Variants in MAP9 observed in about 807,000 individuals in gnomAD.
MAP9 encodes microtubule associated protein 9, also known as microtubule-associated protein 9.
In MAP9, 80 loss-of-function variants were observed where a neutral mutation model predicts 75.2. The ratio of observed to expected loss-of-function variants is 1.06; its 90% CI spans 0.89 to 1.28. The LOEUF (loss-of-function observed/expected upper bound fraction) is 1.28, where lower values mean the gene tolerates loss of function less well. MAP9 is among the 50% of genes most tolerant of loss of function. MAP9 has a pLI of 0.00. For synonymous variants in MAP9, 235 were observed against 237.3 expected, an observed-to-expected ratio of 0.99 and a Z score of 0.09; for missense variants, 753 against 719.9, an observed-to-expected ratio of 1.05 and a Z score of -0.53.
chr4:155,356,481 A>G (rs971995959), intron 8 of MAP9, among the ~76,000 whole-genome samples: 2 of 152,180 alleles, frequency 1.3e-5, no homozygotes, highest in African/African-American at 2.4e-5. Flanking sequence ...GTAATTAGAA[A>G]CTTAAGAAAT....
chr4:155,373,371 T>C lies in MAP9; in HGVS notation c.246A>G (p.Glu82=). The change falls in exon 4 of 14, where the codon GAA becomes GAG. Residue 82 remains glutamate (E), a synonymous_variant. Transcript: ENST00000311277. The stretch of plus-strand genomic sequence containing the variant: ...ACAATAGTTTTGAAGGATTCTTTTC[T>C]TCATCATCTGATATATGAAAGTCAT... The part of the protein sequence containing the change: ...KMNDFHISDD[E]EKNPSKLLFL... 6.2e-7 allele frequency: 1 copy of C among 1,611,746 alleles called. No homozygotes were observed. Among genetic ancestry groups the C allele is most frequent in the Admixed American group, 1.7e-5 (1 of 59,898 alleles).
intron 8 of MAP9, among the ~76,000 whole-genome samples, chr4:155,356,609 T>G (rs781093131): frequency 6.6e-6 from 1 of 152,154 alleles, no homozygotes. Context: ...TTAGAAAGAA[T>G]AGTACTATCT....
At chr4:155,351,258 C>T (rs571882670) in intron 13 of MAP9, 1 of 151,720 alleles carries the variant, frequency 6.6e-6, no homozygotes, top group East Asian at 1.9e-4. Flanking sequence ...AAATGGGCTA[C>T]TTTATAAAGG....
intron 13 of MAP9, among the ~76,000 whole-genome samples, chr4:155,351,596 CA>C (rs1731514779): frequency 6.6e-6 from 1 of 151,054 alleles, no homozygotes; most frequent in East Asian, 1.9e-4. Flanking sequence ...TTCCCCAGTA[CA>C]AAACAAAAGA....
In MAP9 at chr4:155,368,579, T is replaced by G. The variant is rs1356685131; in HGVS notation, c.708+7A>C. 1 of 1,603,326 alleles carries G rather than the reference T, an allele frequency of 6.2e-7. No homozygotes were observed. Among genetic ancestry groups the G allele is most frequent in the Middle Eastern group, 1.7e-4 (1 of 6,042 alleles). On this transcript the variant is annotated splice_region_variant and intron_variant, in intron 5 of 13. Coordinates refer to ENST00000311277, the MANE Select transcript of MAP9 (RefSeq NM_001039580.2). ...ACACAATTCAACAGTTTAGTGGTAGTGCTAACCTCAGGATCAAGGTTTTCA... is the reference window on the plus strand; with the variant it reads ...ACACAATTCAACAGTTTAGTGGTAGGGCTAACCTCAGGATCAAGGTTTTCA...
In MAP9 at chr4:155,344,711, C is replaced by T. The variant is rs1731223156; in HGVS notation, c.*3072G>A. ...TTTCTTTCATTAAGAAAACTTTAAC[C>T]TCTTGATCTAAAATGCCATATTGCA... On this transcript the variant is annotated 3_prime_UTR_variant, in exon 14 of 14. Coordinates refer to ENST00000311277, the MANE Select transcript of MAP9 (RefSeq NM_001039580.2). The T allele has an allele frequency of 6.6e-6, 1 of 151,862 alleles. No individual in the cohort carries two copies. Among genetic ancestry groups the T allele is most frequent in the Admixed American group, 6.6e-5 (1 of 15,210 alleles). The allele number at this position is 151,862 out of a possible 1,614,324, so 9.4% of individuals were successfully genotyped here.
intron 8 of MAP9, 173 bp downstream of exon 8, chr4:155,357,276 T>A: frequency 1.7e-6 from 1 of 587,988 alleles, no homozygotes; most frequent in East Asian, 2.9e-5. Context: ...TTATTTCAAA[T>A]AATATCATCA....
chr4:155,350,344 T>C, intron 13 of MAP9: 1 of 375,640 alleles, frequency 2.7e-6, no homozygotes, highest in Non-Finnish European at 5.1e-6. Context: ...TTTTACTAGA[T>C]ATCAAACATG....
At position 155,352,964 on chromosome 4, in the gene MAP9, C is replaced by T. The variant is rs2111198123; in HGVS notation, c.1636G>A (p.Glu546Lys). 6.5e-7 allele frequency: 1 copy of T among 1,543,152 alleles called. No homozygotes were observed. Among genetic ancestry groups the T allele is most frequent in the Non-Finnish European group, 8.8e-7 (1 of 1,140,544 alleles). ...EYERAKKQKEEETVAEKKKDN... is the reference protein window; with the variant it reads ...EYERAKKQKEKETVAEKKKDN... ...TTCTTTTTCTCGGCAACAGTTTCCTCCTCTTTCTGTTTCTTTGCTCTTTCA... is the reference window on the plus strand; with the variant it reads ...TTCTTTTTCTCGGCAACAGTTTCCTTCTCTTTCTGTTTCTTTGCTCTTTCA... Residue 546 changes from glutamate (E) to lysine (K), a missense_variant, in exon 12 of 14, where the codon GAG becomes AAG. By Grantham distance (56) the Glu-to-Lys change is moderately conservative. Transcript: ENST00000311277.
chr4:155,352,285 A>C (rs1001244486), intron 13 of MAP9: 10 of 258,008 alleles, frequency 3.9e-5, no homozygotes, highest in African/African-American at 2.3e-4. Context: ...TCTTCTTTCT[A>C]TGTTAGATGT....
chr4:155,346,187 A>C lies in MAP9; in HGVS notation c.*1596T>G, dbSNP rs993115100. The C allele has an allele frequency of 6.6e-6, 1 of 152,174 alleles. No individual in the cohort carries two copies. Among genetic ancestry groups the C allele is most frequent in the African/African-American group, 2.4e-5 (1 of 41,460 alleles). 9.4% of individuals were successfully genotyped at this position (152,174 alleles called of 1,614,324 possible). On this transcript the variant is annotated 3_prime_UTR_variant, in exon 14 of 14. Coordinates refer to ENST00000311277, the MANE Select transcript of MAP9 (RefSeq NM_001039580.2). ...AGTATGTGGAACGTCTGGAGTGATC[A>C]TCTCAAAGCCTTTGTCACATAACTT...
At chr4:155,372,468 C>T (rs534922030) in intron 4 of MAP9, among the ~76,000 whole-genome samples, 1 of 152,228 alleles carries the variant, frequency 6.6e-6, no homozygotes, top group South Asian at 2.1e-4. Flanking sequence ...ATCTTTGTTC[C>T]TTTATGCTTA....
intron 6 of MAP9, among the ~76,000 whole-genome samples, chr4:155,360,681 C>A (rs756322981): frequency 1.4e-4 from 21 of 151,914 alleles, no homozygotes; most frequent in South Asian, 2.1e-4. Context: ...GAATAACTAC[C>A]CTAAAACAAC....
chr4:155,353,196 T>G lies in MAP9; in HGVS notation c.1525A>C (p.Lys509Gln). Residue 509 changes from lysine to glutamine, a missense_variant, in exon 11 of 14, where the codon AAA (lysine) becomes CAA (glutamine). Coordinates refer to ENST00000311277, the MANE Select transcript of MAP9 (RefSeq NM_001039580.2). The part of the protein sequence containing the change: ...KKTEEENAAR[K>Q]GEALQAFEKW... ...CTGAATACTTGTAGTGCTTCTCCTT[T>G]TCTTGCAGCATTTTCTTCTTCAGTT... 2 of 1,595,998 alleles carry G rather than the reference T, an allele frequency of 1.3e-6. No homozygotes were observed. The highest frequency in any genetic ancestry group is 8.5e-7 in the Non-Finnish European group (1 of 1,173,706).
At chr4:155,349,344 G>C (rs1317161205) in intron 13 of MAP9, 1 of 434 alleles carries the variant, frequency 2.3e-3, no homozygotes, top group Admixed American at 0.018. Context: ...AGGTTTGGTG[G>C]TTTCTTCATC....
intron 9 of MAP9, 39 bp from the exon 10 acceptor site, chr4:155,355,199 T>C: frequency 1.5e-6 from 1 of 686,916 alleles, no homozygotes; most frequent in Non-Finnish European, 2.3e-6. Context: ...TATTTAAAAT[T>C]TCTTAAGTGA....
At chr4:155,351,452 C>CA (rs200289572) in intron 13 of MAP9, among the ~76,000 whole-genome samples, 19,558 of 133,550 alleles carry the variant, frequency 0.15, 1,445 homozygotes, top group African/African-American at 0.21. Flanking sequence ...AATCAAAAGC[C>CA]AAAAAAAAAA....
chr4:155,372,157 T>G (rs762536501), intron 4 of MAP9, among the ~76,000 whole-genome samples: 5 of 152,168 alleles, frequency 3.3e-5, no homozygotes, highest in Admixed American at 6.5e-5. Flanking sequence ...CTTACATCCT[T>G]TGCTCATTTC....
At chr4:155,351,813 T>C (rs903195272) in intron 13 of MAP9, among the ~76,000 whole-genome samples, 1 of 151,956 alleles carries the variant, frequency 6.6e-6, no homozygotes, top group African/African-American at 2.4e-5. Flanking sequence ...TAAAGTTTGA[T>C]AGGAAACCTG....
Sources: gnomAD v4.1 joint callset for allele counts (sites outside exome capture counted in the v4.1 genomes callset) on GRCh38, gnomAD v4.1.1 for gene constraint, MANE v1.5 for transcripts, NCBI Gene and HGNC (gene_info 2026-07-23, HGNC 2026-07-21) for gene names.